DRC11: variants seen among roughly 807,000 people sequenced by gnomAD.
The protein encoded by DRC11 is dynein regulatory complex subunit 11.
At chr2:236,312,396 G>A in the DRC11 span, among the ~76,000 whole-genome samples, 1 of 152,122 alleles carries the variant, frequency 6.6e-6, no homozygotes, top group South Asian at 2.1e-4. Flanking sequence ...GTATTACATA[G>A]GAAAAGCCTG....
chr2:236,346,115 T>G, the DRC11 span, among the ~76,000 whole-genome samples: 45 of 152,100 alleles, frequency 3.0e-4, no homozygotes, highest in Admixed American at 2.9e-3. Flanking sequence ...CACCATTTGA[T>G]AGGTATTTTG....
chr2:236,377,029 T>C, the DRC11 span: 6 of 1,038,702 alleles, frequency 5.8e-6, no homozygotes, highest in South Asian at 4.2e-5. This position sits in a 1 kb window ranked among gnomAD's most constrained non-coding sequence, Gnocchi z 4.9. Context: ...ATAAAACATA[T>C]TTCCGGCTGC....
At chr2:236,421,760 A>C in the DRC11 span, among the ~76,000 whole-genome samples, 1 of 152,212 alleles carries the variant, frequency 6.6e-6, no homozygotes, top group Admixed American at 6.5e-5. Flanking sequence ...ACAACAAAAA[A>C]AGAGAATTTT....
the DRC11 span, among the ~76,000 whole-genome samples, chr2:236,489,332 G>A: frequency 7.0e-6 from 1 of 142,582 alleles, no homozygotes; most frequent in African/African-American, 2.6e-5. Context: ...CTGGGTGCAT[G>A]CTGGGGCCTG....
At chr2:236,482,970 T>C in the DRC11 span, among the ~76,000 whole-genome samples, 8 of 152,298 alleles carry the variant, frequency 5.3e-5, no homozygotes, top group South Asian at 1.7e-3. This position sits in a 1 kb window ranked among gnomAD's most constrained non-coding sequence, Gnocchi z 4.5. Context: ...ATCACATTAT[T>C]GGGCAACAGA....
At chr2:236,500,579 A>C in the DRC11 span, among the ~76,000 whole-genome samples, 1 of 152,222 alleles carries the variant, frequency 6.6e-6, no homozygotes, top group Admixed American at 6.5e-5. This position sits in a 1 kb window ranked among gnomAD's most constrained non-coding sequence, Gnocchi z 6.3. Flanking sequence ...TGCTAGTGAA[A>C]GAGCACTCTT....
At chr2:236,497,562 G>T in the DRC11 span, 1 of 1,037,298 alleles carries the variant, frequency 9.6e-7, no homozygotes, top group Non-Finnish European at 1.4e-6. The surrounding 1 kb of genome is among the most constrained non-coding windows in gnomAD (Gnocchi z 5.1). Context: ...CGGGCCTCTG[G>T]TATAGCAAAA....
the DRC11 span, among the ~76,000 whole-genome samples, chr2:236,357,311 CTATATATTA>C: frequency 8.7e-6 from 1 of 114,550 alleles, no homozygotes; most frequent in South Asian, 2.5e-4. Flanking sequence ...TCATATAGAT[CTATATATTA>C]TATATATTCA....
chr2:236,435,075 A>C, the DRC11 span, among the ~76,000 whole-genome samples: 1 of 152,122 alleles, frequency 6.6e-6, no homozygotes, highest in Non-Finnish European at 1.5e-5. Flanking sequence ...TGGAGAAGTG[A>C]AGAAAGAGCA....
At chr2:236,497,297 T>C in the DRC11 span, 1 of 1,613,964 alleles carries the variant, frequency 6.2e-7, no homozygotes, top group Admixed American at 1.7e-5. This position sits in a 1 kb window ranked among gnomAD's most constrained non-coding sequence, Gnocchi z 5.1. Flanking sequence ...AGTATTCGTT[T>C]CTGGGGGTGG....
the DRC11 span, among the ~76,000 whole-genome samples, chr2:236,443,644 C>T: frequency 1.3e-5 from 2 of 152,114 alleles, no homozygotes; most frequent in South Asian, 2.1e-4. This position sits in a 1 kb window ranked among gnomAD's most constrained non-coding sequence, Gnocchi z 4.4. Flanking sequence ...GAGTTGATTC[C>T]ATGTCTTTGC....
At chr2:236,423,208 A>C in the DRC11 span, among the ~76,000 whole-genome samples, 1 of 151,948 alleles carries the variant, frequency 6.6e-6, no homozygotes, top group Admixed American at 6.6e-5. Context: ...AATGGGATCT[A>C]ATTAAACTAA....
the DRC11 span, among the ~76,000 whole-genome samples, chr2:236,361,176 A>C: frequency 6.6e-6 from 1 of 152,254 alleles, no homozygotes; most frequent in Non-Finnish European, 1.5e-5. The surrounding 1 kb of genome is among the most constrained non-coding windows in gnomAD (Gnocchi z 5.7). Flanking sequence ...ACTACAGCAG[A>C]GAAATGAAAA....
the DRC11 span, among the ~76,000 whole-genome samples, chr2:236,308,609 C>G: frequency 6.6e-6 from 1 of 152,166 alleles, no homozygotes. The surrounding 1 kb of genome is among the most constrained non-coding windows in gnomAD (Gnocchi z 6.0). Context: ...GAATGTGCAG[C>G]ATTTGTCCTT....
chr2:236,493,702 T>C, the DRC11 span: 1 of 1,307,754 alleles, frequency 7.6e-7, no homozygotes, highest in Non-Finnish European at 1.0e-6. Flanking sequence ...CTCACACAAT[T>C]AGGAGCAGCA....
At chr2:236,490,883 G>A in the DRC11 span, among the ~76,000 whole-genome samples, 40,219 of 148,598 alleles carry the variant, frequency 0.27, 5,886 homozygotes, top group African/African-American at 0.36. This position sits in a 1 kb window ranked among gnomAD's most constrained non-coding sequence, Gnocchi z 5.5. Context: ...TATACAGTAC[G>A]TATCCCAAGA....
chr2:236,345,737 T>C, the DRC11 span, among the ~76,000 whole-genome samples: 1 of 152,196 alleles, frequency 6.6e-6, no homozygotes, highest in Non-Finnish European at 1.5e-5. Context: ...GATAGCGAAG[T>C]TCAGGTATTT....
chr2:236,394,659 C>T, the DRC11 span, among the ~76,000 whole-genome samples: 2 of 151,916 alleles, frequency 1.3e-5, no homozygotes, highest in African/African-American at 4.8e-5. The surrounding 1 kb of genome is among the most constrained non-coding windows in gnomAD (Gnocchi z 7.0). Flanking sequence ...CAAGCTGCAG[C>T]TGCTGATACC....
At chr2:236,375,844 G>GT in the DRC11 span, among the ~76,000 whole-genome samples, 1 of 152,210 alleles carries the variant, frequency 6.6e-6, no homozygotes. The surrounding 1 kb of genome is among the most constrained non-coding windows in gnomAD (Gnocchi z 4.2). Flanking sequence ...TCTATTCAAT[G>GT]TAGAAGGAAT....
Sources: allele counts gnomAD v4.1 joint callset (sites outside exome capture counted in the v4.1 genomes callset), GRCh38; gene constraint gnomAD v4.1.1; non-coding constraint Gnocchi (gnomAD v3.1); transcripts MANE v1.5; gene names NCBI Gene and HGNC (gene_info 2026-07-23, HGNC 2026-07-21).